ZER1: variants seen among roughly 807,000 people sequenced by gnomAD.
ZER1 encodes the protein protein zer-1 homolog.
Under a neutral mutation model 78.8 loss-of-function variants are expected in ZER1, and 11 were observed. That is an observed-to-expected ratio of 0.14 (90% CI 0.09 to 0.23). The LOEUF is 0.23. Among genes scored for constraint, ZER1 ranks in the 10% least tolerant of loss-of-function variants. The pLI is 1.00. For missense variants in ZER1, 588 were observed against 996.9 expected (o/e 0.59, Z 5.52); for synonymous variants, 400 against 407.0 (o/e 0.98, Z 0.21).
chr9:128,763,985 C>CAA (rs34299331), intron 1 of ZER1, among the ~76,000 whole-genome samples: 3 of 132,834 alleles, frequency 2.3e-5, no homozygotes, highest in African/African-American at 2.8e-5. Flanking sequence ...AAAACTCCAT[C>CAA]AAAAAAAAAA....
At chr9:128,744,155 C>A (rs573120549) in intron 8 of ZER1, among the ~76,000 whole-genome samples, 18 of 152,128 alleles carry the variant, frequency 1.2e-4, no homozygotes, top group African/African-American at 4.3e-4. Context: ...CCTCGGCCTC[C>A]CAAAGTGCTG....
chr9:128,770,693 G>A (rs1178690213), intron 1 of ZER1, among the ~76,000 whole-genome samples: 6 of 152,020 alleles, frequency 3.9e-5, no homozygotes, highest in African/African-American at 7.3e-5. Flanking sequence ...CCAAAGTAGC[G>A]AGGCCCTTCA....
chr9:128,752,527 G>T, intron 5 of ZER1, 146 bp downstream of exon 5: 4 of 849,308 alleles, frequency 4.7e-6, no homozygotes, highest in Non-Finnish European at 7.0e-6. Flanking sequence ...CACCATGTTG[G>T]CCAGGCTGGT....
intron 1 of ZER1, among the ~76,000 whole-genome samples, chr9:128,766,320 G>A (rs1864206133): frequency 7.0e-6 from 1 of 142,444 alleles, no homozygotes. Context: ...CTGTACTCCA[G>A]CCTGGCAACA....
At chr9:128,735,566 C>T (rs1182058866) in intron 13 of ZER1, 135 bp from the exon 14 acceptor site, 2 of 824,506 alleles carry the variant, frequency 2.4e-6, no homozygotes, top group East Asian at 2.7e-5. Context: ...GGAGAAGGGA[C>T]AGCTGGCCCT....
intron 7 of ZER1, among the ~76,000 whole-genome samples, 164 bp downstream of exon 7, chr9:128,750,958 G>A (rs575320741): frequency 2.6e-5 from 4 of 152,324 alleles, no homozygotes; most frequent in East Asian, 1.9e-4. Context: ...CAAGGCCAGT[G>A]CTGAAGCAAG....
At chr9:128,748,075 C>T (rs1199080514) in intron 8 of ZER1, among the ~76,000 whole-genome samples, 2 of 151,998 alleles carry the variant, frequency 1.3e-5, no homozygotes, top group South Asian at 2.1e-4. Flanking sequence ...AGCGAGACCC[C>T]GTCACCACAT....
At position 128,751,591 on chromosome 9, in the gene ZER1, G is replaced by C. The variant is rs1863679967; in HGVS notation, c.924-64C>G. ...CAGGCCTGAGCTGGGCCTCCCCACT[G>C]GGGGTGGTGAGGCATTTCCTTGCTT... On this transcript the variant is annotated intron_variant, in intron 5 of 15. Transcript: ENST00000291900. This position sits in a 1 kb window ranked among gnomAD's most constrained non-coding sequence, Gnocchi z 5.4. 1 of 1,395,286 alleles carries C rather than the reference G, an allele frequency of 7.2e-7. No homozygotes were observed. The highest frequency in any genetic ancestry group is 1.0e-6 in the Non-Finnish European group (1 of 995,576). The allele number at this position is 1,395,286 out of a possible 1,614,324, so 86.4% of individuals were successfully genotyped here. A position where few individuals can be genotyped will look rare whatever the true frequency, so the allele number is the denominator to read the frequency against.
At position 128,771,834 on chromosome 9, in the gene ZER1, G is replaced by A. The variant is rs1864396339; in HGVS notation, c.-348C>T. On this transcript the variant is annotated 5_prime_UTR_variant, in exon 1 of 16. Transcript: ENST00000291900. ...GGTTACCTTGCCCTTAGGGCTGCCG[G>A]CGGGGCTGAGGCTCCTGGGCCCGGC... 6.6e-6 allele frequency: 1 copy of A among 152,198 alleles called. No homozygotes were observed. The highest frequency in any genetic ancestry group is 1.5e-5 in the Non-Finnish European group (1 of 68,026). 9.4% of individuals were successfully genotyped at this position (152,198 alleles called of 1,614,324 possible). A position where few individuals can be genotyped will look rare whatever the true frequency, so the allele number is the denominator to read the frequency against.
chr9:128,756,060 A>G (rs1009370602), intron 1 of ZER1, among the ~76,000 whole-genome samples: 2 of 152,236 alleles, frequency 1.3e-5, no homozygotes, highest in Non-Finnish European at 2.9e-5. Flanking sequence ...GCCAGGGCTT[A>G]ATAGACATAT....
chr9:128,754,039 T>G lies in ZER1; in HGVS notation c.159-80A>C. 3 of 1,505,818 alleles carry G rather than the reference T, an allele frequency of 2.0e-6. No homozygotes were observed. The highest frequency in any genetic ancestry group is 1.8e-6 in the Non-Finnish European group (2 of 1,119,680). 93.3% of individuals were successfully genotyped at this position (1,505,818 alleles called of 1,614,324 possible). ...CTTCAAAGCCAAGCCCTCCTCCCCC[T>G]GAAGCTTTCTTGGATCACCCCAAGT... On this transcript the variant is annotated intron_variant, in intron 2 of 15. Coordinates refer to ENST00000291900, the MANE Select transcript of ZER1 (RefSeq NM_006336.4). This position sits in a 1 kb window ranked among gnomAD's most constrained non-coding sequence, Gnocchi z 4.3.
At chr9:128,734,140 A>ATATATATATATATATATATATAT (rs1428641240) in intron 14 of ZER1, among the ~76,000 whole-genome samples, 2 of 17,314 alleles carry the variant, frequency 1.2e-4, no homozygotes, top group Non-Finnish European at 3.1e-4. Flanking sequence ...AAAAAAAAAA[A>ATATATATATATATATATATATAT]AAAAATATAT....
chr9:128,751,988 G>T lies in ZER1; in HGVS notation c.924-461C>A, dbSNP rs1863693964. ...TGCCAGCCTTGCCTCTTCCCCCCATGGCACTGTGCTCTGGTCAGGCTGAGT... is the reference window on the plus strand; with the variant it reads ...TGCCAGCCTTGCCTCTTCCCCCCATTGCACTGTGCTCTGGTCAGGCTGAGT... On this transcript the variant is annotated intron_variant, in intron 5 of 15. Transcript: ENST00000291900. The surrounding 1 kb of genome is among the most constrained non-coding windows in gnomAD (Gnocchi z 5.4). Among the ~76,000 whole-genome samples, 1 of 152,218 alleles carries T rather than the reference G, an allele frequency of 6.6e-6. No homozygotes were observed. The highest frequency in any genetic ancestry group is 2.4e-5 in the African/African-American group (1 of 41,462).
chr9:128,742,407 T>A, intron 9 of ZER1, 123 bp downstream of exon 9: 2 of 1,135,958 alleles, frequency 1.8e-6, no homozygotes, highest in Admixed American at 2.1e-5. Flanking sequence ...CCCTCATGCT[T>A]CAGCACACTC....
rs879368462 is a variant in ZER1, at chr9:128,732,358, C to T, written c.2244-964G>A. 1.3e-5 allele frequency among the ~76,000 whole-genome samples: 2 copies of T among 152,160 alleles called. No homozygotes were observed. Among genetic ancestry groups the T allele is most frequent in the Non-Finnish European group, 2.9e-5 (2 of 68,034 alleles). ...GAAAAGAAAACCTAGGGGTGGGCCC[C>T]GTCCATTTATTTTTAAATTTTATTT... On this transcript the variant is annotated intron_variant, in intron 15 of 15. Transcript: ENST00000291900. The surrounding 1 kb of genome is among the most constrained non-coding windows in gnomAD (Gnocchi z 4.8).
At chr9:128,731,745 C>G (rs1862830144) in intron 15 of ZER1, among the ~76,000 whole-genome samples, 1 of 152,228 alleles carries the variant, frequency 6.6e-6, no homozygotes, top group African/African-American at 2.4e-5. Flanking sequence ...TCTTCATTTT[C>G]CCTGCACACT....
rs755007423 is a variant in ZER1, at chr9:128,742,699, T to C, written c.1406A>G (p.Glu469Gly). 6.2e-7 allele frequency: 1 copy of C among 1,613,924 alleles called. No homozygotes were observed. Among genetic ancestry groups the C allele is most frequent in the Non-Finnish European group, 8.5e-7 (1 of 1,179,930 alleles). Reference protein sequence around the residue: ...CLTLCNFSIPEELEFQYRRVN... With the variant: ...CLTLCNFSIPGELEFQYRRVN... Reference sequence around the variant, plus strand: ...CCGGCGGTACTGGAATTCCAGCTCCTCGGGGATGCTGAAGTTGCAGAGCGT... The same window carrying C: ...CCGGCGGTACTGGAATTCCAGCTCCCCGGGGATGCTGAAGTTGCAGAGCGT... Residue 469 changes from glutamate to glycine, a missense_variant, in exon 9 of 16, where the codon GAG becomes GGG. Coordinates refer to ENST00000291900, the MANE Select transcript of ZER1 (RefSeq NM_006336.4).
chr9:128,737,472 T>G (rs1863125900), intron 13 of ZER1, among the ~76,000 whole-genome samples: 1 of 152,188 alleles, frequency 6.6e-6, no homozygotes, highest in Admixed American at 6.5e-5. Context: ...GGTTTTCAAC[T>G]GAAATGTCCA....
chr9:128,732,691 A>C lies in ZER1; in HGVS notation c.2243+735T>G, dbSNP rs1030741526. Among the ~76,000 whole-genome samples the C allele has an allele frequency of 2.6e-5, 4 of 152,160 alleles. No individual in the cohort carries two copies. Among genetic ancestry groups the C allele is most frequent in the African/African-American group, 4.8e-5 (2 of 41,426 alleles). On this transcript the variant is annotated intron_variant, in intron 15 of 15. Transcript: ENST00000291900. The surrounding 1 kb of genome is among the most constrained non-coding windows in gnomAD (Gnocchi z 4.8). Reference sequence around the variant, plus strand: ...AGTAGCGCCTTTGGCCAGATATAATAGCAGAACCAGCTGACACTTCCCTCC... The same window carrying C: ...AGTAGCGCCTTTGGCCAGATATAATCGCAGAACCAGCTGACACTTCCCTCC...
Sources: gnomAD v4.1 joint callset for allele counts (sites outside exome capture counted in the v4.1 genomes callset) on GRCh38, gnomAD v4.1.1 for gene constraint, Gnocchi (gnomAD v3.1) non-coding constraint, MANE v1.5 for transcripts, NCBI Gene and HGNC (gene_info 2026-07-23, HGNC 2026-07-21) for gene names.